Variants in ADGRB3 observed in about 807,000 individuals in gnomAD.
The protein encoded by ADGRB3 is brain-specific angiogenesis inhibitor 3.
ADGRB3 carries 37 observed loss-of-function variants against 193.4 expected under a neutral mutation model. That is an observed-to-expected ratio of 0.19 (90% CI 0.15 to 0.25). The LOEUF is 0.25. Ranked by LOEUF, ADGRB3 falls within the 10% of genes least tolerant of loss-of-function variation. The pLI, the probability that ADGRB3 is intolerant of heterozygous loss-of-function variation, is 1.00. For synonymous variants in ADGRB3, 690 were observed against 644.2 expected (o/e 1.07, Z -1.08); for missense variants, 1,637 against 1,852.9 (o/e 0.88, Z 2.14).
At chr6:69,199,488 G>A (rs1765374593) in intron 17 of ADGRB3, among the ~76,000 whole-genome samples, 1 of 152,016 alleles carries the variant, frequency 6.6e-6, no homozygotes, top group South Asian at 2.1e-4. Context: ...CATTGTTCAA[G>A]AAACATAAGC....
At position 68,741,645 on chromosome 6, in the gene ADGRB3, C is replaced by T. The variant is rs114341892; in HGVS notation, c.757+102213C>T. Reference sequence around the variant, plus strand: ...TCAAGTGATCCTCCCACCTCACCCTCGCAAAGTTCTGAGACTACAGGCTTG... The same window carrying T: ...TCAAGTGATCCTCCCACCTCACCCTTGCAAAGTTCTGAGACTACAGGCTTG... On this transcript the variant is annotated intron_variant, in intron 3 of 31. Transcript: ENST00000370598. 3.2e-3 allele frequency among the ~76,000 whole-genome samples: 483 copies of T among 152,318 alleles called. 5 individuals carry two copies. Among genetic ancestry groups the T allele is most frequent in the African/African-American group, 0.011 (473 of 41,580 alleles).
At chr6:69,307,476 A>T (rs938438246) in intron 20 of ADGRB3, among the ~76,000 whole-genome samples, 2 of 151,550 alleles carry the variant, frequency 1.3e-5, no homozygotes, top group Non-Finnish European at 2.9e-5. Context: ...GCAATATCTT[A>T]TTTGAAATAA....
At chr6:69,087,011 T>A (rs1172969745) in intron 17 of ADGRB3, among the ~76,000 whole-genome samples, 3 of 152,132 alleles carry the variant, frequency 2.0e-5, no homozygotes, top group Non-Finnish European at 4.4e-5. Context: ...CAGAATTCTG[T>A]CCAACAAGGT....
chr6:69,176,835 A>G (rs1207538595), intron 17 of ADGRB3, among the ~76,000 whole-genome samples: 9 of 152,074 alleles, frequency 5.9e-5, no homozygotes, highest in African/African-American at 2.4e-5. Flanking sequence ...CAGGGTTTCA[A>G]TTTCTTCCCA....
intron 3 of ADGRB3, among the ~76,000 whole-genome samples, chr6:68,829,091 C>CTTT (rs70987436): frequency 1.1e-5 from 1 of 94,656 alleles, no homozygotes; most frequent in Non-Finnish European, 2.1e-5. Flanking sequence ...GTTTAAGTAA[C>CTTT]TTTTTTTTTT....
Position 69,048,258 on chromosome 6 carries a change from A to C in ADGRB3, c.2181A>C (p.Gly727=). Residue 727 remains glycine, a synonymous_variant, in exon 14 of 32, where the codon GGA becomes GGC. Coordinates refer to ENST00000370598, the MANE Select transcript of ADGRB3 (RefSeq NM_001704.3). ...DINFPMKGRK[G]MVDWARNSED... ...ACTTTCCAATGAAAGGACGGAAGGG[A>C]ATGGTTGACTGGGCAAGAAACTCAG... The C allele has an allele frequency of 6.2e-7, 1 of 1,613,684 alleles. No individual in the cohort carries two copies. Among genetic ancestry groups the C allele is most frequent in the Non-Finnish European group, 8.5e-7 (1 of 1,179,730 alleles).
At chr6:68,941,471 A>T (rs1474880756) in intron 5 of ADGRB3, among the ~76,000 whole-genome samples, 1 of 152,166 alleles carries the variant, frequency 6.6e-6, no homozygotes, top group African/African-American at 2.4e-5. Context: ...TAACTAAGCC[A>T]TCAAGGTTAA....
intron 17 of ADGRB3, among the ~76,000 whole-genome samples, chr6:69,078,351 C>G (rs1394221888): frequency 1.3e-5 from 2 of 151,892 alleles, no homozygotes; most frequent in African/African-American, 4.8e-5. Flanking sequence ...CCACATCCAC[C>G]CATATCTCTA....
chr6:68,768,185 G>C (rs1766548143), intron 3 of ADGRB3, among the ~76,000 whole-genome samples: 1 of 151,988 alleles, frequency 6.6e-6, no homozygotes, highest in East Asian at 1.9e-4. Flanking sequence ...GATTAGAAAA[G>C]TCTACTTTAA....
chr6:69,378,452 T>A (rs190794407), intron 30 of ADGRB3, among the ~76,000 whole-genome samples: 1 of 152,154 alleles, frequency 6.6e-6, no homozygotes, highest in Admixed American at 6.6e-5. Flanking sequence ...GAAACTTACT[T>A]AGCCTCCTTG....
chr6:69,190,876 T>C (rs908956489), intron 17 of ADGRB3, among the ~76,000 whole-genome samples: 3 of 152,174 alleles, frequency 2.0e-5, no homozygotes, highest in African/African-American at 7.2e-5. Flanking sequence ...GTCAGTACAG[T>C]AACATGTTGC....
intron 3 of ADGRB3, among the ~76,000 whole-genome samples, chr6:68,881,476 C>T (rs1010887024): frequency 3.9e-5 from 6 of 152,136 alleles, no homozygotes; most frequent in African/African-American, 9.7e-5. Flanking sequence ...TATACATTGG[C>T]ATGCAAGGCA....
At chr6:69,232,638 C>T (rs1411034816) in intron 17 of ADGRB3, 2 of 1,533,890 alleles carry the variant, frequency 1.3e-6, no homozygotes, top group Admixed American at 2.0e-5. Flanking sequence ...AGGTCTGAAA[C>T]CCACCCCTCC....
chr6:69,062,946 C>T lies in ADGRB3; in HGVS notation c.2346C>T (p.Val782=). 6.2e-7 allele frequency: 1 copy of T among 1,609,716 alleles called. No individual in the cohort carries two copies. Among genetic ancestry groups the T allele is most frequent in the South Asian group, 1.1e-5 (1 of 90,894 alleles). ...TACTCTGTTGCAGAAATTATACTGT[C>T]ATTAATTCCAAAATCATCGTGGTCA... ...LILPTLRNYT[V]INSKIIVVTI... is the part of the protein sequence containing the mutation. The change falls in exon 16 of 32, where the codon GTC becomes GTT. Residue 782 remains valine, a synonymous_variant. Transcript: ENST00000370598.
At chr6:68,921,773 T>A (rs998137878) in intron 3 of ADGRB3, among the ~76,000 whole-genome samples, 1 of 151,728 alleles carries the variant, frequency 6.6e-6, no homozygotes, top group African/African-American at 2.4e-5. Context: ...GATATTATCT[T>A]CTGAGGTATA....
At chr6:68,743,527 G>A (rs1024740613) in intron 3 of ADGRB3, among the ~76,000 whole-genome samples, 5 of 151,634 alleles carry the variant, frequency 3.3e-5, no homozygotes, top group African/African-American at 7.3e-5. Context: ...ACTATTAATT[G>A]TGTGAGTGTA....
intron 17 of ADGRB3, among the ~76,000 whole-genome samples, chr6:69,125,143 A>G (rs1175955960): frequency 6.6e-6 from 1 of 152,126 alleles, no homozygotes; most frequent in Non-Finnish European, 1.5e-5. Flanking sequence ...CCAATTGCCA[A>G]CCTAACATCC....
chr6:69,212,043 T>A (rs1175154827), intron 17 of ADGRB3, among the ~76,000 whole-genome samples: 2 of 152,208 alleles, frequency 1.3e-5, no homozygotes, highest in Admixed American at 1.3e-4. Context: ...TTATAAGAAG[T>A]TTAATATTTT....
chr6:69,169,636 T>A (rs117674865), intron 17 of ADGRB3, among the ~76,000 whole-genome samples: 4,803 of 151,744 alleles, frequency 0.032, 89 homozygotes, highest in Middle Eastern at 0.049. Flanking sequence ...GTATTGAGAA[T>A]CTTACAAAAA....
Sources: allele counts gnomAD v4.1 joint callset (sites outside exome capture counted in the v4.1 genomes callset), GRCh38; gene constraint gnomAD v4.1.1; transcripts MANE v1.5; gene names NCBI Gene and HGNC (gene_info 2026-07-23, HGNC 2026-07-21).